CCDC171: variants seen among roughly 807,000 people sequenced by gnomAD.
The protein encoded by CCDC171 is coiled-coil domain containing 171.
In CCDC171, 177 loss-of-function variants were observed where a neutral mutation model predicts 168.2. That is an observed-to-expected ratio of 1.05 (90% CI 0.93 to 1.19). The LOEUF (loss-of-function observed/expected upper bound fraction) is 1.19. Among genes scored for constraint, CCDC171 ranks in the 50% most tolerant of loss-of-function variants. The probability of loss-of-function intolerance (pLI) is 0.00; values close to 1 mark genes in which losing one functional copy is unlikely to be tolerated. For missense variants in CCDC171, 1,991 were observed against 1,539.0 expected (o/e 1.29, Z -4.91); for synonymous variants, 687 against 540.8 (o/e 1.27, Z -3.75).
rs117673720 is a variant in CCDC171 at position 16,012,993 on chromosome 9, C to G, written n.369-7596C>G. 6.4e-4 allele frequency among the ~76,000 whole-genome samples: 97 copies of G among 152,270 alleles called. No individual in the cohort carries two copies. The East Asian group carries it at 0.018, about 28-fold the overall frequency. On this transcript the variant is annotated intron_variant and non_coding_transcript_variant, in intron 3 of 9. Coordinates refer to the CCDC171 transcript ENST00000486641. ...CTGCATGGTACTTCGACTTCTCAAGCTGAAGTCTGACACCTTCACTTTCAC... is the reference window on the plus strand; with the variant it reads ...CTGCATGGTACTTCGACTTCTCAAGGTGAAGTCTGACACCTTCACTTTCAC...
intron 14 of CCDC171, among the ~76,000 whole-genome samples, chr9:15,727,326 C>A (rs955296287): frequency 6.6e-6 from 1 of 152,126 alleles, no homozygotes; most frequent in Non-Finnish European, 1.5e-5. Context: ...AGTAAGTAAA[C>A]TGGATTCTCT....
At chr9:15,581,512 G>A (rs1281531548) in intron 4 of CCDC171, among the ~76,000 whole-genome samples, 4 of 152,030 alleles carry the variant, frequency 2.6e-5, no homozygotes, top group South Asian at 2.1e-4. Context: ...GAGGTATCAC[G>A]CTACCTGACT....
At chr9:16,048,339 T>C (rs1464887625) in intron 1 of CCDC171, among the ~76,000 whole-genome samples, 4 of 152,148 alleles carry the variant, frequency 2.6e-5, no homozygotes, top group African/African-American at 9.7e-5. Context: ...CTGATGGGCC[T>C]CTCTCTGAGG....
At chr9:15,695,598 T>C (rs1224750961) in intron 11 of CCDC171, among the ~76,000 whole-genome samples, 1 of 152,214 alleles carries the variant, frequency 6.6e-6, no homozygotes, top group East Asian at 1.9e-4. Flanking sequence ...GCTCACTTGC[T>C]GTGTTCTGAA....
At chr9:15,910,315 C>G (rs768891550) in intron 24 of CCDC171, among the ~76,000 whole-genome samples, 6 of 152,028 alleles carry the variant, frequency 3.9e-5, no homozygotes, top group Non-Finnish European at 7.4e-5. Flanking sequence ...TTTGTTATAA[C>G]AATAGGGTAT....
chr9:15,929,145 T>C (rs1373137491), intron 25 of CCDC171, among the ~76,000 whole-genome samples: 1 of 151,712 alleles, frequency 6.6e-6, no homozygotes, highest in Non-Finnish European at 1.5e-5. Context: ...GATGAAGTTT[T>C]ACAAGGATGG....
At chr9:15,754,602 C>T (rs1435475048) in intron 18 of CCDC171, among the ~76,000 whole-genome samples, 1 of 152,116 alleles carries the variant, frequency 6.6e-6, no homozygotes, top group African/African-American at 2.4e-5. Flanking sequence ...CTAAGCTGCT[C>T]TACAGGGGAG....
chr9:15,652,080 A>AT (rs995609654), intron 7 of CCDC171, among the ~76,000 whole-genome samples: 4 of 151,994 alleles, frequency 2.6e-5, no homozygotes, highest in East Asian at 1.9e-4. Flanking sequence ...GGCTAATTTA[A>AT]TTTTTTTGTA....
chr9:15,946,505 T>G (rs1828403598), intron 25 of CCDC171, among the ~76,000 whole-genome samples: 1 of 151,890 alleles, frequency 6.6e-6, no homozygotes, highest in African/African-American at 2.4e-5. Flanking sequence ...AAACCACTGC[T>G]CAACAAAATA....
At chr9:15,644,982 AG>A (rs1249382031) in intron 7 of CCDC171, among the ~76,000 whole-genome samples, 1 of 152,216 alleles carries the variant, frequency 6.6e-6, no homozygotes, top group Non-Finnish European at 1.5e-5. Context: ...CCTACCTGGG[AG>A]GCATCCCCTA....
At chr9:15,921,112 G>T (rs1172562262) in intron 25 of CCDC171, among the ~76,000 whole-genome samples, 1 of 151,720 alleles carries the variant, frequency 6.6e-6, no homozygotes, top group African/African-American at 2.4e-5. Context: ...CCAATAATTG[G>T]AATGTCTTTT....
rs533670427 is a variant in CCDC171, at chr9:15,608,986, T to A, written c.676-14281T>A. Among the ~76,000 whole-genome samples, 50 of 147,292 alleles carry A rather than the reference T, an allele frequency of 3.4e-4. No individual in the cohort carries two copies. In the South Asian group the frequency reaches 5.8e-3, roughly 17 times the overall value. ...AAAAAAAAAAAAGAGTGGTTTTTTTTTAAAAAATATATTTAGTAACTAACC... is the reference window on the plus strand; with the variant it reads ...AAAAAAAAAAAAGAGTGGTTTTTTTATAAAAAATATATTTAGTAACTAACC... On this transcript the variant is annotated intron_variant, in intron 6 of 25. Transcript: ENST00000380701.
In CCDC171 at chr9:15,724,983, C is replaced by G. The variant is rs762962441; in HGVS notation, c.1692+7C>G. The G allele has an allele frequency of 6.2e-7, 1 of 1,607,616 alleles. No homozygotes were observed. Among genetic ancestry groups the G allele is most frequent in the East Asian group, 2.2e-5 (1 of 44,810 alleles). The stretch of plus-strand genomic sequence containing the variant: ...TTTCCATAAGGATGCAGAGGTATTA[C>G]CTGAGACTCAATGACTGTCAGGAAG... On this transcript the variant is annotated splice_region_variant and intron_variant, in intron 14 of 25. Transcript: ENST00000380701.
At chr9:16,020,456 A>G (rs1213009410) in intron 3 of CCDC171, 2 of 153,248 alleles carry the variant, frequency 1.3e-5, no homozygotes, top group Non-Finnish European at 1.5e-5. Flanking sequence ...AAATTGTAGA[A>G]GATTTGTTTT....
At chr9:15,745,084 T>C (rs1450319207) in intron 17 of CCDC171, among the ~76,000 whole-genome samples, 2 of 152,346 alleles carry the variant, frequency 1.3e-5, no homozygotes, top group Middle Eastern at 3.4e-3. Context: ...TTTTCAGTTA[T>C]GTCAATCAAA....
chr9:15,686,500 G>C (rs1029348964), intron 10 of CCDC171, among the ~76,000 whole-genome samples: 1 of 151,626 alleles, frequency 6.6e-6, no homozygotes, highest in African/African-American at 2.4e-5. Flanking sequence ...GGGCAACAGA[G>C]TGAGACTCCA....
intron 1 of CCDC171, among the ~76,000 whole-genome samples, chr9:15,561,638 G>A (rs766283622): frequency 6.6e-6 from 1 of 152,046 alleles, no homozygotes; most frequent in Non-Finnish European, 1.5e-5. Context: ...GGAAGAAGAG[G>A]GAGGAGATTT....
intron 6 of CCDC171, among the ~76,000 whole-genome samples, chr9:15,600,780 C>A (rs997400942): frequency 6.6e-6 from 1 of 152,186 alleles, no homozygotes; most frequent in African/African-American, 2.4e-5. Context: ...GCGGTGGGCT[C>A]CACCCATTTC....
chr9:15,866,025 G>T (rs928673374), intron 23 of CCDC171, among the ~76,000 whole-genome samples: 1 of 151,946 alleles, frequency 6.6e-6, no homozygotes, highest in African/African-American at 2.4e-5. Flanking sequence ...AAAGAAAGTG[G>T]CATGAGCAAC....
Sources: allele counts gnomAD v4.1 joint callset (sites outside exome capture counted in the v4.1 genomes callset), GRCh38; gene constraint gnomAD v4.1.1; transcripts MANE v1.5; gene names NCBI Gene and HGNC (gene_info 2026-07-23, HGNC 2026-07-21).